Variants in CYB5R4 observed in about 807,000 individuals in gnomAD.
CYB5R4 encodes the protein cytochrome b5 reductase 4.
In CYB5R4, 55 loss-of-function variants were observed where a neutral mutation model predicts 70.2. The observed-to-expected ratio is 0.78, with a 90% confidence interval of 0.63 to 0.98. The LOEUF (loss-of-function observed/expected upper bound fraction) is 0.98, where lower values mean the gene tolerates loss of function less well. Among genes scored for constraint, CYB5R4 ranks in the 50% least tolerant of loss-of-function variants. The pLI, the probability that CYB5R4 is intolerant of heterozygous loss-of-function variation, is 0.00. For synonymous variants in CYB5R4, 197 were observed against 199.5 expected (o/e 0.99, Z 0.11); for missense variants, 562 against 612.6 (o/e 0.92, Z 0.87).
rs185881115 is a variant in CYB5R4, at chr6:83,954,546, A to G, written c.1347-752A>G. Among the ~76,000 whole-genome samples, 505 of 151,168 alleles carry G rather than the reference A, an allele frequency of 3.3e-3. 10 individuals carry two copies. The highest frequency in any genetic ancestry group is 0.012 in the East Asian group (62 of 5,128). On this transcript the variant is annotated intron_variant, in intron 14 of 15. Transcript: ENST00000369681. ...TTTCAGCCCTTGCCCCTTTCCCTAC[A>G]CCTCCCTCCTTTTGGAGCCCCCAGT... is the stretch of plus-strand genomic sequence containing the variant.
At chr6:83,907,110 C>T (rs2099463900) in intron 3 of CYB5R4, among the ~76,000 whole-genome samples, 1 of 152,038 alleles carries the variant, frequency 6.6e-6, no homozygotes, top group Non-Finnish European at 1.5e-5. Flanking sequence ...CAGGGTCTTG[C>T]TCTTTTGCCC....
intron 2 of CYB5R4, among the ~76,000 whole-genome samples, chr6:83,871,685 TA>T (rs1450534480): frequency 6.6e-6 from 1 of 152,174 alleles, no homozygotes; most frequent in African/African-American, 2.4e-5. Flanking sequence ...TAGGGCTATT[TA>T]AATTTTCTCT....
chr6:83,912,373 T>A (rs1049145263), intron 4 of CYB5R4, among the ~76,000 whole-genome samples: 2 of 152,238 alleles, frequency 1.3e-5, no homozygotes, highest in Non-Finnish European at 2.9e-5. Context: ...GATCAATAGA[T>A]GTTTATTAAA....
chr6:83,953,967 A>T (rs1256023043), intron 14 of CYB5R4, among the ~76,000 whole-genome samples: 1 of 152,142 alleles, frequency 6.6e-6, no homozygotes, highest in Non-Finnish European at 1.5e-5. Flanking sequence ...TTCCTCTTTC[A>T]TATTACTTTG....
At chr6:83,928,367 A>G (rs891439645) in intron 10 of CYB5R4, among the ~76,000 whole-genome samples, 3 of 152,240 alleles carry the variant, frequency 2.0e-5, no homozygotes, top group African/African-American at 7.2e-5. Context: ...GACAAGGACA[A>G]GTTATACAGT....
intron 14 of CYB5R4, among the ~76,000 whole-genome samples, chr6:83,954,907 G>GTTTTTGGGTTTTTT (rs1242634397): frequency 1.6e-4 from 22 of 141,800 alleles, no homozygotes; most frequent in Non-Finnish European, 2.2e-4. Context: ...TGTTGTTGTT[G>GTTTTTGGGTTTTTT]TTTTTGGGTT....
chr6:83,901,888 T>G (rs1425679179), intron 3 of CYB5R4, among the ~76,000 whole-genome samples: 1 of 152,088 alleles, frequency 6.6e-6, no homozygotes, highest in African/African-American at 2.4e-5. Context: ...TTACTTTTTT[T>G]TTTATGGTTG....
chr6:83,864,361 G>A, intron 2 of CYB5R4, 33 bp downstream of exon 2: 1 of 1,581,170 alleles, frequency 6.3e-7, no homozygotes, highest in Non-Finnish European at 8.6e-7. Context: ...TTCAAAAAAT[G>A]TTGCCTGAAC....
At chr6:83,884,406 G>T (rs138315534) in intron 2 of CYB5R4, among the ~76,000 whole-genome samples, 1 of 151,940 alleles carries the variant, frequency 6.6e-6, no homozygotes, top group East Asian at 1.9e-4. Context: ...TGATAAAAAG[G>T]ATTATGAGGC....
intron 10 of CYB5R4, among the ~76,000 whole-genome samples, chr6:83,930,089 T>TA (rs1247110739): frequency 6.6e-6 from 1 of 152,208 alleles, no homozygotes; most frequent in Admixed American, 6.5e-5. Flanking sequence ...CATTTTAATT[T>TA]AAAAAACAGT....
rs2099473523 is a variant in CYB5R4, at chr6:83,962,704, G to T, written c.*2826G>T. 1 of 152,214 alleles carries T rather than the reference G, an allele frequency of 6.6e-6. No homozygotes were observed. The highest frequency in any genetic ancestry group is 1.5e-5 in the Non-Finnish European group (1 of 68,046). 9.4% of individuals were successfully genotyped at this position (152,214 alleles called of 1,614,324 possible). A position where few individuals can be genotyped will look rare whatever the true frequency, so the allele number is the denominator to read the frequency against. ...TCTTAGCTAGAGGCTGTAAGGGGAA[G>T]TCCCTAGATAAGAGTTCTTTCAGCC... is the stretch of plus-strand genomic sequence containing the variant. On this transcript the variant is annotated 3_prime_UTR_variant, in exon 16 of 16. Transcript: ENST00000369681.
chr6:83,860,150 C>G (rs1317962079), intron 1 of CYB5R4, among the ~76,000 whole-genome samples: 1 of 152,146 alleles, frequency 6.6e-6, no homozygotes, highest in Non-Finnish European at 1.5e-5. Flanking sequence ...GAGCCAGGCA[C>G]TGTGTTTGCG....
intron 1 of CYB5R4, among the ~76,000 whole-genome samples, chr6:83,863,227 A>G (rs958032928): frequency 1.3e-5 from 2 of 152,124 alleles, no homozygotes; most frequent in Non-Finnish European, 2.9e-5. Flanking sequence ...TTTTTCTGCA[A>G]AGGGCCAGGT....
At chr6:83,905,016 C>T (rs994095833) in intron 3 of CYB5R4, among the ~76,000 whole-genome samples, 1 of 151,190 alleles carries the variant, frequency 6.6e-6, no homozygotes, top group African/African-American at 2.4e-5. Context: ...GTAACAGTCA[C>T]TTCTTTCCTT....
chr6:83,951,789 G>A (rs950764966), intron 14 of CYB5R4, among the ~76,000 whole-genome samples: 3 of 152,158 alleles, frequency 2.0e-5, no homozygotes, highest in African/African-American at 7.2e-5. Flanking sequence ...AATCCTTTGA[G>A]TATATACCCA....
chr6:83,940,371 C>A (rs541947764), intron 13 of CYB5R4, 144 bp from the exon 14 acceptor site: 19 of 1,045,396 alleles, frequency 1.8e-5, no homozygotes, highest in Middle Eastern at 3.2e-4. Context: ...TAACTAGGTT[C>A]TTTTATCTCA....
At position 83,955,370 on chromosome 6, in the gene CYB5R4, T is replaced by C; in HGVS notation, c.1419T>C (p.Ala473=). 6.2e-7 allele frequency: 1 copy of C among 1,613,990 alleles called. No individual in the cohort carries two copies. The highest frequency in any genetic ancestry group is 8.5e-7 in the Non-Finnish European group (1 of 1,179,908). Residue 473 remains alanine (A), a synonymous_variant, in exon 15 of 16, where the codon GCT becomes GCC. Transcript: ENST00000369681. The part of the protein sequence containing the change: ...WNGKQGHISP[A]LLSEFLKRNL... ...GCAAACAGGGACATATTTCACCAGC[T>C]CTTCTTTCTGAATTTTTGAAAAGAA...
intron 14 of CYB5R4, among the ~76,000 whole-genome samples, chr6:83,945,829 G>A (rs1338602953): frequency 1.3e-5 from 2 of 152,110 alleles, no homozygotes; most frequent in Non-Finnish European, 2.9e-5. Context: ...TAGAAGAAGT[G>A]GATAAATTCC....
chr6:83,876,482 T>G (rs1273053998), intron 2 of CYB5R4, among the ~76,000 whole-genome samples: 5 of 129,884 alleles, frequency 3.8e-5, no homozygotes, highest in African/African-American at 1.3e-4. Flanking sequence ...CCACTATTAT[T>G]TTTTATACTT....
Sources: gnomAD v4.1 joint callset for allele counts (sites outside exome capture counted in the v4.1 genomes callset) on GRCh38, gnomAD v4.1.1 for gene constraint, MANE v1.5 for transcripts, NCBI Gene and HGNC (gene_info 2026-07-23, HGNC 2026-07-21) for gene names.